PTPRH: variants seen among roughly 807,000 people sequenced by gnomAD.
The protein encoded by PTPRH is receptor-type tyrosine-protein phosphatase H.
PTPRH carries 113 observed loss-of-function variants against 130.2 expected under a neutral mutation model. The ratio of observed to expected loss-of-function variants is 0.87; its 90% CI spans 0.75 to 1.01. PTPRH has a LOEUF of 1.01. PTPRH is among the 50% of genes least tolerant of loss of function. The pLI, the probability that PTPRH is intolerant of heterozygous loss-of-function variation, is 0.00. For missense variants in PTPRH, 1,430 were observed against 1,425.0 expected, an observed-to-expected ratio of 1.00 and a Z score of -0.06; for synonymous variants, 556 against 577.9, an observed-to-expected ratio of 0.96 and a Z score of 0.54.
At chr19:55,203,663 T>G in intron 5 of PTPRH, 119 bp downstream of exon 5, 1 of 1,212,440 alleles carries the variant, frequency 8.2e-7, no homozygotes, top group Non-Finnish European at 1.1e-6. Context: ...AATTCTCACC[T>G]GTGGCTTCCA....
At chr19:55,201,298 GC>G (rs1395157401) in intron 6 of PTPRH, among the ~76,000 whole-genome samples, 15 of 152,020 alleles carry the variant, frequency 9.9e-5, no homozygotes, top group African/African-American at 3.6e-4. Context: ...GATTGCTTCA[GC>G]CCAGGAATTT....
Position 55,200,274 on chromosome 19 carries a change from C to G in PTPRH, c.1382G>C (p.Gly461Ala). The G allele has an allele frequency of 6.2e-7, 1 of 1,614,194 alleles. No homozygotes were observed. Among genetic ancestry groups the G allele is most frequent in the Non-Finnish European group, 8.5e-7 (1 of 1,180,042 alleles). The change falls in exon 7 of 20, where the codon GGA (glycine) becomes GCA (alanine). Residue 461 changes from glycine to alanine, a missense_variant. Gly to Ala is a moderately conservative substitution (Grantham distance 60). Transcript: ENST00000376350. ...YTFSVWAEKN[G>A]ARGSRQNVSI... ...GACATTCTGCCTGGAGCCACGTGCTCCATTTTTTTCTGCCCATACAGAGAA... is the reference window on the plus strand; with the variant it reads ...GACATTCTGCCTGGAGCCACGTGCTGCATTTTTTTCTGCCCATACAGAGAA...
chr19:55,194,269 A>G, intron 10 of PTPRH: 1 of 1,289,712 alleles, frequency 7.8e-7, no homozygotes, highest in South Asian at 1.2e-5. Context: ...TCAGCCTTGA[A>G]GGCCCCCAAG....
chr19:55,198,962 G>A, intron 7 of PTPRH, 50 bp from the exon 8 acceptor site: 1 of 1,461,588 alleles, frequency 6.8e-7, no homozygotes, highest in African/African-American at 1.4e-5. Flanking sequence ...GTCCTCAAGA[G>A]TCCAGAACAC....
In PTPRH at chr19:55,204,183, G is replaced by C. The variant is rs547848837; in HGVS notation, c.620-135C>G. ...CATCCAGGCTGGAGTGCAGTGGCAC[G>C]ATCTCGGCTCACCACAGCCTCCGCC... On this transcript the variant is annotated intron_variant, in intron 4 of 19. Transcript: ENST00000376350. 36 of 1,004,146 alleles carry C rather than the reference G, an allele frequency of 3.6e-5. No individual in the cohort carries two copies. In the South Asian group the frequency reaches 6.0e-4, roughly 17 times the overall value. The allele number at this position is 1,004,146 out of a possible 1,614,324, so 62.2% of individuals were successfully genotyped here. A position where few individuals can be genotyped will look rare whatever the true frequency, so the allele number is the denominator to read the frequency against.
intron 8 of PTPRH, 92 bp downstream of exon 8, chr19:55,198,551 A>C: frequency 3.8e-6 from 5 of 1,323,056 alleles, no homozygotes; most frequent in African/African-American, 1.5e-5. Context: ...GCCCATGGGT[A>C]CTCTTCATCT....
At position 55,184,827 on chromosome 19, in the gene PTPRH, T is replaced by A. The variant is rs540333740; in HGVS notation, c.3062+675A>T. Among the ~76,000 whole-genome samples the A allele has an allele frequency of 6.0e-5, 9 of 150,862 alleles. No homozygotes were observed. In the South Asian group the frequency reaches 1.2e-3, roughly 21 times the overall value. ...AAATAATAAAATAAAATAAAATAAATAAAATAAAATAAATATCAGGGAAGC... is the reference window on the plus strand; with the variant it reads ...AAATAATAAAATAAAATAAAATAAAAAAAATAAAATAAATATCAGGGAAGC... On this transcript the variant is annotated intron_variant, in intron 18 of 19. Transcript: ENST00000376350.
At chr19:55,201,893 C>A (rs1344573813) in intron 6 of PTPRH, among the ~76,000 whole-genome samples, 163 bp downstream of exon 6, 1 of 152,208 alleles carries the variant, frequency 6.6e-6, no homozygotes, top group Non-Finnish European at 1.5e-5. Flanking sequence ...CATGGACATT[C>A]ATTCCTTCTT....
Position 55,207,248 on chromosome 19 carries a change from G to A in PTPRH, c.52-49C>T, listed in dbSNP as rs373104096. The A allele has an allele frequency of 5.7e-4, 899 of 1,590,812 alleles. 8 individuals carry two copies. Among genetic ancestry groups the A allele is most frequent in the Non-Finnish European group, 1.3e-4 (149 of 1,166,674 alleles). On this transcript the variant is annotated intron_variant, in intron 1 of 19. Transcript: ENST00000376350. The stretch of plus-strand genomic sequence containing the variant: ...GAGTCAGCCTCTCAACCACTCCTCC[G>A]CCCAGTGAGGCCGAGGGGCTGGGAG...
chr19:55,190,394 A>T (rs2086490678), intron 12 of PTPRH, among the ~76,000 whole-genome samples: 1 of 148,064 alleles, frequency 6.8e-6, no homozygotes, highest in African/African-American at 2.5e-5. Flanking sequence ...AGAATATCAC[A>T]ATATTCCTCT....
At chr19:55,204,706 G>T (rs555591740) in intron 4 of PTPRH, among the ~76,000 whole-genome samples, 2 of 152,094 alleles carry the variant, frequency 1.3e-5, no homozygotes, top group African/African-American at 4.8e-5. Flanking sequence ...CTGAGCCAGC[G>T]CTTTCCAACT....
rs767839251 is a variant in PTPRH at position 55,202,093 on chromosome 19, T to C, written c.1116A>G (p.Gly372=). The C allele has an allele frequency of 1.9e-6, 3 of 1,614,216 alleles. No homozygotes were observed. The highest frequency in any genetic ancestry group is 4.5e-5 in the East Asian group (2 of 44,890). ...TTCGAGTCTCCCGGGAGCTGTTGATTCCATTCTTCCCCACCCACACGGAAA... is the reference window on the plus strand; with the variant it reads ...TTCGAGTCTCCCGGGAGCTGTTGATCCCATTCTTCCCCACCCACACGGAAA... The part of the protein sequence containing the change: ...YVFSVWVGKN[G]INSSRETRNA... The change falls in exon 6 of 20, where the codon GGA becomes GGG. Residue 372 remains glycine, a synonymous_variant. Coordinates refer to ENST00000376350, the MANE Select transcript of PTPRH (RefSeq NM_002842.5).
chr19:55,185,307 T>G (rs954273258), intron 18 of PTPRH, among the ~76,000 whole-genome samples, 195 bp downstream of exon 18: 1 of 152,186 alleles, frequency 6.6e-6, no homozygotes, highest in African/African-American at 2.4e-5. Flanking sequence ...CTTTTCATCT[T>G]TCGTTCCCAT....
rs927737709 is a variant in PTPRH at position 55,187,591 on chromosome 19, C to A, written c.2488G>T (p.Val830Leu). 6 of 1,612,508 alleles carry A rather than the reference C, an allele frequency of 3.7e-6. No individual in the cohort carries two copies. Among genetic ancestry groups the A allele is most frequent in the Non-Finnish European group, 5.1e-6 (6 of 1,178,894 alleles). Reference sequence around the variant, plus strand: ...ACCATCTGAGACTGGCTGTGGCCCACCAGGGAGAGTTGCTGGGGATGCAGG... The same window carrying A: ...ACCATCTGAGACTGGCTGTGGCCCAACAGGGAGAGTTGCTGGGGATGCAGG... Reference protein sequence around the residue: ...FADEYQQLSLVGHSQSQMVAS... With the variant: ...FADEYQQLSLLGHSQSQMVAS... The change falls in exon 14 of 20, where the codon GTG (valine) becomes TTG (leucine). Residue 830 changes from valine to leucine, a missense_variant. Transcript: ENST00000376350.
chr19:55,185,587 G>C lies in PTPRH; in HGVS notation c.2977C>G (p.Pro993Ala), dbSNP rs201963073. 25 of 1,614,214 alleles carry C rather than the reference G, an allele frequency of 1.5e-5. No individual in the cohort carries two copies. Among genetic ancestry groups the C allele is most frequent in the Non-Finnish European group, 1.9e-5 (23 of 1,180,042 alleles). The change falls in exon 18 of 20, where the codon CCA becomes GCA. Residue 993 changes from proline (P) to alanine (A), a missense_variant. Pro to Ala is a conservative substitution (Grantham distance 27). Coordinates refer to ENST00000376350, the MANE Select transcript of PTPRH (RefSeq NM_002842.5). ...AWPDHGVPSS[P>A]DTLLAFWRML... The stretch of plus-strand genomic sequence containing the variant: ...CTCCAGAAAGCCAGCAAGGTGTCTG[G>C]GGAGGAGGGAACGCCGTGATCCGGC...
rs185713498 is a variant in PTPRH at position 55,186,556 on chromosome 19, A to C, written c.2567-16T>G. 3,121 of 1,612,148 alleles carry C rather than the reference A, an allele frequency of 1.9e-3. 11 individuals are homozygous for C. Among genetic ancestry groups the C allele is most frequent in the Non-Finnish European group, 2.2e-3 (2,552 of 1,178,216 alleles). On this transcript the variant is annotated splice_polypyrimidine_tract_variant and intron_variant, in intron 14 of 19. Coordinates refer to ENST00000376350, the MANE Select transcript of PTPRH (RefSeq NM_002842.5). ...GACCAGTCATCTAGGAGAAGAGGCC[A>C]GCATTAGCCAGGCAGAGAGACCCAG...
intron 5 of PTPRH, 133 bp from the exon 6 acceptor site, chr19:55,202,455 G>A (rs552951647): frequency 3.2e-5 from 44 of 1,358,698 alleles, no homozygotes; most frequent in Middle Eastern, 4.2e-4. Context: ...TGGCAGCCAC[G>A]AGTTCCACGT....
rs372347283 is a variant in PTPRH, at chr19:55,205,455, C to G, written c.490G>C (p.Gly164Arg). 30 of 1,614,230 alleles carry G rather than the reference C, an allele frequency of 1.9e-5. No individual in the cohort carries two copies. Among genetic ancestry groups the G allele is most frequent in the Non-Finnish European group, 2.3e-5 (27 of 1,180,038 alleles). The change falls in exon 4 of 20, where the codon GGG (glycine) becomes CGG (arginine). Residue 164 changes from glycine to arginine, a missense_variant. Transcript: ENST00000376350. Reference sequence around the variant, plus strand: ...TTAGTGTGTGCTGTGCTTCGAGTCCCTGCTCTGCCACCATCTCCAGTGTAC... The same window carrying G: ...TTAGTGTGTGCTGTGCTTCGAGTCCGTGCTCTGCCACCATCTCCAGTGTAC... ...VEYTGDGGRA[G>R]TRSTAHTNIT...
intron 3 of PTPRH, 114 bp downstream of exon 3, chr19:55,206,575 C>T: frequency 8.9e-7 from 1 of 1,118,814 alleles, no homozygotes; most frequent in Non-Finnish European, 1.2e-6. Flanking sequence ...TCACGTGTGG[C>T]TTCCACTGTG....
Sources: gnomAD v4.1 joint callset for allele counts (sites outside exome capture counted in the v4.1 genomes callset) on GRCh38, gnomAD v4.1.1 for gene constraint, MANE v1.5 for transcripts, NCBI Gene and HGNC (gene_info 2026-07-23, HGNC 2026-07-21) for gene names.